OGA: variants seen among roughly 807,000 people sequenced by gnomAD.
OGA encodes protein O-GlcNAcase.
In OGA, 21 loss-of-function variants were observed where a neutral mutation model predicts 102.0. That is an observed-to-expected ratio of 0.21 (90% CI 0.15 to 0.30). OGA has a LOEUF of 0.30. Among genes scored for constraint, OGA ranks in the 10% least tolerant of loss-of-function variants. The pLI is 1.00. For missense variants in OGA, 765 were observed against 1,107.8 expected (o/e 0.69, Z 4.39); for synonymous variants, 408 against 378.2 (o/e 1.08, Z -0.91).
chr10:101,813,443 T>G, intron 2 of OGA, 112 bp downstream of exon 2: 1 of 714,770 alleles, frequency 1.4e-6, no homozygotes, highest in Non-Finnish European at 2.3e-6. Context: ...ACTTCTGCAA[T>G]TGAGAAACCA....
intron 6 of OGA, among the ~76,000 whole-genome samples, chr10:101,804,866 G>A (rs1443884276): frequency 6.6e-6 from 1 of 152,038 alleles, no homozygotes; most frequent in East Asian, 1.9e-4. Flanking sequence ...CACAGCACTG[G>A]GATTACAGGC....
At chr10:101,787,289 C>G (rs922540618) in intron 15 of OGA, 75 bp downstream of exon 15, 224 of 1,404,934 alleles carry the variant, frequency 1.6e-4, no homozygotes, top group Non-Finnish European at 2.1e-4. Flanking sequence ...TCACTTCTTT[C>G]CTTTTATATC....
At chr10:101,789,810 CA>C (rs890304186) in intron 14 of OGA, among the ~76,000 whole-genome samples, 3 of 151,708 alleles carry the variant, frequency 2.0e-5, no homozygotes, top group Non-Finnish European at 4.4e-5. Context: ...CCCATCTCTA[CA>C]AAAAAAATAC....
chr10:101,793,820 G>A (rs1343804121), intron 11 of OGA, 93 bp downstream of exon 11: 6 of 936,936 alleles, frequency 6.4e-6, no homozygotes, highest in African/African-American at 1.7e-5. Context: ...GAAAGCCTTC[G>A]GCAGACCAAT....
intron 12 of OGA, 194 bp downstream of exon 12, chr10:101,792,645 A>G: frequency 2.1e-6 from 1 of 477,630 alleles, no homozygotes; most frequent in Non-Finnish European, 3.7e-6. Flanking sequence ...GAGAAATTAA[A>G]GAACTTGGCA....
rs774884277 is a variant in OGA at position 101,791,467 on chromosome 10, C to A, written c.2176-28G>T. The A allele has an allele frequency of 4.4e-6, 7 of 1,582,834 alleles. No homozygotes were observed. The Admixed American group carries it at 8.4e-5, about 19-fold the overall frequency. ...GAAAATATAATCTAGTTAAGCAACACATCAAGAAAAATGGCAGCAGAATCT... is the reference window on the plus strand; with the variant it reads ...GAAAATATAATCTAGTTAAGCAACAAATCAAGAAAAATGGCAGCAGAATCT... On this transcript the variant is annotated intron_variant, in intron 12 of 15. Coordinates refer to ENST00000361464, the MANE Select transcript of OGA (RefSeq NM_012215.5).
chr10:101,804,272 C>CTT (rs965762850), intron 6 of OGA, among the ~76,000 whole-genome samples: 18 of 131,918 alleles, frequency 1.4e-4, no homozygotes, highest in African/African-American at 1.9e-4. Context: ...CTTACGTGTA[C>CTT]TTTTTTTTTT....
In OGA at chr10:101,786,555, C is replaced by G. The variant is rs542645339; in HGVS notation, c.2647G>C (p.Asp883His). ...SRGAFCEVRP[D>H]DKRILEFYSK... Reference sequence around the variant, plus strand: ...TAAAATTCCAGAATTCTTTTATCATCTGGTCTCACTTCACAGAAAGCTCCC... The same window carrying G: ...TAAAATTCCAGAATTCTTTTATCATGTGGTCTCACTTCACAGAAAGCTCCC... Residue 883 changes from aspartate (D) to histidine (H), a missense_variant, in exon 16 of 16, where the codon GAT (aspartate) becomes CAT (histidine). By Grantham distance (81) the Asp-to-His change is moderately conservative. Transcript: ENST00000361464. 1 of 1,609,492 alleles carries G rather than the reference C, an allele frequency of 6.2e-7. No individual in the cohort carries two copies. Among genetic ancestry groups the G allele is most frequent in the African/African-American group, 1.3e-5 (1 of 74,898 alleles).
chr10:101,818,213 C>T lies in OGA; in HGVS notation c.-191G>A, dbSNP rs1331598194. On this transcript the variant is annotated 5_prime_UTR_variant, in exon 1 of 16. Coordinates refer to ENST00000361464, the MANE Select transcript of OGA (RefSeq NM_012215.5). ...GCCCGGATGAGAAGGGCGGCGGCAC[C>T]GGCGCGAGCCCTTTGTCAGCCGCAG... The T allele has an allele frequency of 7.5e-7, 1 of 1,341,666 alleles. No homozygotes were observed. The highest frequency in any genetic ancestry group is 9.5e-7 in the Non-Finnish European group (1 of 1,049,986). 83.1% of individuals were successfully genotyped at this position (1,341,666 alleles called of 1,614,324 possible).
chr10:101,800,780 T>C (rs915360745), intron 7 of OGA, among the ~76,000 whole-genome samples: 3 of 147,970 alleles, frequency 2.0e-5, no homozygotes, highest in Admixed American at 6.7e-5. Flanking sequence ...TCTTTTTTTT[T>C]TTTTTTTTTT....
At chr10:101,787,196 A>G (rs1452470369) in intron 15 of OGA, among the ~76,000 whole-genome samples, 168 bp downstream of exon 15, 1 of 152,230 alleles carries the variant, frequency 6.6e-6, no homozygotes, top group Non-Finnish European at 1.5e-5. Context: ...TTTCTCAATT[A>G]TTAATACACA....
At position 101,790,884 on chromosome 10, in the gene OGA, C is replaced by G. The variant is rs765962181; in HGVS notation, c.2454+12G>C. 6.4e-7 allele frequency: 1 copy of G among 1,560,150 alleles called. No individual in the cohort carries two copies. Among genetic ancestry groups the G allele is most frequent in the South Asian group, 1.2e-5 (1 of 86,178 alleles). ...ACCATTACCATAGTATAATTCTTAA[C>G]CTTTGTATTACCTCAGCCTCAGAGA... On this transcript the variant is annotated intron_variant, in intron 14 of 15. Transcript: ENST00000361464.
intron 1 of OGA, among the ~76,000 whole-genome samples, chr10:101,816,970 T>TA (rs2065636301): frequency 6.6e-6 from 1 of 152,194 alleles, no homozygotes; most frequent in Non-Finnish European, 1.5e-5. Flanking sequence ...TCGGCCAAAA[T>TA]ACTTCAGAAA....
At chr10:101,812,775 G>A (rs1233196572) in intron 3 of OGA, 3 of 565,246 alleles carry the variant, frequency 5.3e-6, no homozygotes, top group Non-Finnish European at 6.6e-6. Flanking sequence ...ACTGGCAGAA[G>A]TAAGCAGCAC....
chr10:101,813,444 T>C, intron 2 of OGA, 111 bp downstream of exon 2: 1 of 721,244 alleles, frequency 1.4e-6, no homozygotes. Context: ...CTTCTGCAAT[T>C]GAGAAACCAT....
chr10:101,800,547 A>T, intron 7 of OGA, 147 bp from the exon 8 acceptor site: 1 of 640,156 alleles, frequency 1.6e-6, no homozygotes, highest in Admixed American at 3.0e-5. Context: ...ATAAAAATTC[A>T]AATAAAAGCA....
intron 6 of OGA, among the ~76,000 whole-genome samples, chr10:101,804,961 TAGAA>T: frequency 6.6e-6 from 1 of 152,190 alleles, no homozygotes; most frequent in East Asian, 1.9e-4. Context: ...TTTTATAAAA[TAGAA>T]GAGTTTCCTA....
Position 101,784,659 on chromosome 10 carries a change from T to C in OGA, c.*1792A>G, listed in dbSNP as rs189769788. 1 of 152,438 alleles carries C rather than the reference T, an allele frequency of 6.6e-6. No individual in the cohort carries two copies. The highest frequency in any genetic ancestry group is 1.9e-4 in the East Asian group (1 of 5,188). 9.4% of individuals were successfully genotyped at this position (152,438 alleles called of 1,614,324 possible). A position where few individuals can be genotyped will look rare whatever the true frequency, so the allele number is the denominator to read the frequency against. On this transcript the variant is annotated 3_prime_UTR_variant, in exon 16 of 16. Transcript: ENST00000361464. Reference sequence around the variant, plus strand: ...TCACCTGTGACCAGACCAGCCAACATGATTACTAAAAGCCAAGATAAAACC... The same window carrying C: ...TCACCTGTGACCAGACCAGCCAACACGATTACTAAAAGCCAAGATAAAACC...
intron 10 of OGA, among the ~76,000 whole-genome samples, chr10:101,795,271 C>T (rs2065301342): frequency 6.6e-6 from 1 of 152,170 alleles, no homozygotes; most frequent in Non-Finnish European, 1.5e-5. Flanking sequence ...TAAAAAGCTG[C>T]ATGTACGAAG....
Sources: gnomAD v4.1 joint callset for allele counts (sites outside exome capture counted in the v4.1 genomes callset) on GRCh38, gnomAD v4.1.1 for gene constraint, MANE v1.5 for transcripts, NCBI Gene and HGNC (gene_info 2026-07-23, HGNC 2026-07-21) for gene names.